Variants in PCSK5 observed in about 807,000 individuals in gnomAD.
PCSK5 encodes the protein proprotein convertase subtilisin/kexin type 5.
PCSK5 carries 129 observed loss-of-function variants against 233.2 expected under a neutral mutation model. The ratio of observed to expected loss-of-function variants is 0.55; its 90% CI spans 0.48 to 0.64. The LOEUF is 0.64. Ranked by LOEUF, PCSK5 falls within the 30% of genes least tolerant of loss-of-function variation. PCSK5 has a pLI of 0.00. For synonymous variants in PCSK5, 825 were observed against 879.2 expected, an observed-to-expected ratio of 0.94 and a Z score of 1.09; for missense variants, 2,076 against 2,430.1, an observed-to-expected ratio of 0.85 and a Z score of 3.06.
At chr9:75,905,454 G>T (rs960512816) in intron 1 of PCSK5, among the ~76,000 whole-genome samples, 1 of 152,232 alleles carries the variant, frequency 6.6e-6, no homozygotes, top group Non-Finnish European at 1.5e-5. Flanking sequence ...GAATTTTGAG[G>T]ATGCAGTAAG....
At chr9:76,104,165 C>T (rs1206562180) in intron 8 of PCSK5, among the ~76,000 whole-genome samples, 1 of 152,158 alleles carries the variant, frequency 6.6e-6, no homozygotes, top group East Asian at 1.9e-4. Context: ...CACAAAAACT[C>T]CGATGCTGTG....
intron 24 of PCSK5, among the ~76,000 whole-genome samples, chr9:76,264,805 G>A (rs1827284371): frequency 6.6e-6 from 1 of 152,158 alleles, no homozygotes; most frequent in South Asian, 2.1e-4. Flanking sequence ...CAGCCACTGT[G>A]GAAGGCACTT....
chr9:75,962,433 A>G (rs1026969118), intron 2 of PCSK5, among the ~76,000 whole-genome samples: 3 of 152,232 alleles, frequency 2.0e-5, no homozygotes, highest in Non-Finnish European at 4.4e-5. Context: ...GAGTCTTGGC[A>G]GATTCATCCT....
chr9:76,292,412 A>G lies in PCSK5; in HGVS notation c.3185+137A>G, dbSNP rs1828306706. 6.2e-6 allele frequency: 4 copies of G among 641,776 alleles called. No individual in the cohort carries two copies. The South Asian group carries it at 8.2e-5, about 13-fold the overall frequency. The allele number at this position is 641,776 out of a possible 1,614,324, so 39.8% of individuals were successfully genotyped here. On this transcript the variant is annotated intron_variant, in intron 25 of 37. Coordinates refer to ENST00000674117, the MANE Select transcript of PCSK5 (RefSeq NM_001372043.1). ...CTGTCCTGTCAGGCTATTAATGAGC[A>G]ATTCTTGGATTTAGCAATAAGAGCC...
At chr9:76,227,979 T>C (rs1825951595) in intron 21 of PCSK5, among the ~76,000 whole-genome samples, 1 of 152,002 alleles carries the variant, frequency 6.6e-6, no homozygotes, top group Admixed American at 6.6e-5. Context: ...TGTTCTTTTT[T>C]TTTTTTTTGA....
At chr9:76,339,631 G>A (rs1399536796) in intron 35 of PCSK5, among the ~76,000 whole-genome samples, 5 of 152,046 alleles carry the variant, frequency 3.3e-5, no homozygotes, top group African/African-American at 7.2e-5. Context: ...TGCAACCTCC[G>A]CCTCCCAGGA....
At position 75,894,324 on chromosome 9, in the gene PCSK5, C is replaced by T. The variant is rs546850088; in HGVS notation, c.192+2951C>T. ...GTAGCATCTTAGCATTTGAAAGTCA[C>T]GAGAGGTAAGATTTCTGGCCAGGGC... On this transcript the variant is annotated intron_variant, in intron 1 of 37. Coordinates refer to ENST00000674117, the MANE Select transcript of PCSK5 (RefSeq NM_001372043.1). Among the ~76,000 whole-genome samples, 63 of 151,966 alleles carry T rather than the reference C, an allele frequency of 4.1e-4. 1 individual carries two copies. The highest frequency in any genetic ancestry group is 6.8e-3 in the Middle Eastern group (2 of 294).
intron 28 of PCSK5, among the ~76,000 whole-genome samples, chr9:76,308,198 AAAAAG>A (rs766739365): frequency 8.0e-4 from 122 of 152,296 alleles, no homozygotes; most frequent in Admixed American, 1.2e-3. Flanking sequence ...CTCTGTCTCA[AAAAAG>A]AAAAGAAAAG....
In PCSK5 at chr9:75,891,319, C is replaced by T. The variant is rs1489272251; in HGVS notation, c.138C>T (p.Gly46=). ...TNHWAVKIAG[G]FPEANRIASK... is the part of the protein sequence containing the mutation. ...ACTGGGCAGTCAAAATCGCCGGGGG[C>T]TTCCCGGAGGCCAACCGTATCGCCA... Residue 46 remains glycine, a synonymous_variant, in exon 1 of 38, where the codon GGC becomes GGT. Transcript: ENST00000674117. 1 of 1,560,390 alleles carries T rather than the reference C, an allele frequency of 6.4e-7. No homozygotes were observed. Among genetic ancestry groups the T allele is most frequent in the African/African-American group, 1.4e-5 (1 of 70,850 alleles).
chr9:76,246,741 G>A (rs891023852), intron 24 of PCSK5, among the ~76,000 whole-genome samples: 2 of 152,214 alleles, frequency 1.3e-5, no homozygotes, highest in Non-Finnish European at 2.9e-5. Flanking sequence ...GCACTCTGCA[G>A]CTACCAAAAG....
intron 35 of PCSK5, among the ~76,000 whole-genome samples, chr9:76,347,151 C>G (rs999453395): frequency 6.6e-6 from 1 of 151,396 alleles, no homozygotes; most frequent in Non-Finnish European, 1.5e-5. Flanking sequence ...GAATCAAAAC[C>G]CAGGCTGAGT....
chr9:76,158,359 G>C (rs890444937), intron 11 of PCSK5, among the ~76,000 whole-genome samples: 4 of 152,192 alleles, frequency 2.6e-5, no homozygotes, highest in Admixed American at 6.5e-5. Context: ...AGGCAGAGTA[G>C]TGTGTGCAAA....
chr9:75,970,175 A>C (rs1342305689), intron 2 of PCSK5, among the ~76,000 whole-genome samples: 1 of 152,174 alleles, frequency 6.6e-6, no homozygotes, highest in African/African-American at 2.4e-5. Flanking sequence ...GCCCGGCCAC[A>C]GAAACCCAAT....
chr9:76,098,717 A>G (rs1006051993), intron 8 of PCSK5, among the ~76,000 whole-genome samples: 1 of 152,182 alleles, frequency 6.6e-6, no homozygotes, highest in Admixed American at 6.5e-5. Context: ...TCTGTAAGGG[A>G]AGCATATAGT....
intron 5 of PCSK5, among the ~76,000 whole-genome samples, chr9:76,063,985 A>G (rs867729917): frequency 2.9e-3 from 167 of 56,690 alleles, no homozygotes; most frequent in Non-Finnish European, 3.1e-3. Flanking sequence ...CCTCCCGGAC[A>G]GGGCGGCTGG....
chr9:76,334,626 G>T (rs566630450), intron 34 of PCSK5, among the ~76,000 whole-genome samples: 1 of 152,296 alleles, frequency 6.6e-6, no homozygotes, highest in Middle Eastern at 3.4e-3. Context: ...AGCTACTTGG[G>T]AGGCTGAGGG....
At chr9:76,192,067 C>CAAAA (rs5898457) in intron 20 of PCSK5, among the ~76,000 whole-genome samples, 8,169 of 100,848 alleles carry the variant, frequency 0.081, 451 homozygotes, top group Middle Eastern at 0.13. Flanking sequence ...AAGACTGTCT[C>CAAAA]AAAAAAAAAA....
intron 5 of PCSK5, among the ~76,000 whole-genome samples, chr9:76,056,699 T>G (rs1049316907): frequency 2.6e-5 from 4 of 152,204 alleles, no homozygotes; most frequent in African/African-American, 9.6e-5. Context: ...TAAAATGGTT[T>G]TTTGAGGTAA....
At chr9:76,263,256 G>T (rs1827235279) in intron 24 of PCSK5, among the ~76,000 whole-genome samples, 1 of 152,198 alleles carries the variant, frequency 6.6e-6, no homozygotes, top group Admixed American at 6.5e-5. Flanking sequence ...AATACCATTT[G>T]ACTCAGCCAT....
Sources: gnomAD v4.1 joint callset for allele counts (sites outside exome capture counted in the v4.1 genomes callset) on GRCh38, gnomAD v4.1.1 for gene constraint, MANE v1.5 for transcripts, NCBI Gene and HGNC (gene_info 2026-07-23, HGNC 2026-07-21) for gene names.